The following SNX31 variants were observed in gnomAD, a reference collection of about 807,000 sequenced individuals.
The protein encoded by SNX31 is sorting nexin 31, also known as sorting nexin-31.
SNX31 carries 58 observed loss-of-function variants against 65.4 expected under a neutral mutation model. The ratio of observed to expected loss-of-function variants is 0.89; its 90% CI spans 0.72 to 1.10. The LOEUF (loss-of-function observed/expected upper bound fraction) is 1.10. SNX31 is among the 50% of genes least tolerant of loss of function. The pLI is 0.00. For missense variants in SNX31, 523 were observed against 529.7 expected (o/e 0.99, Z 0.12); for synonymous variants, 181 against 190.1 (o/e 0.95, Z 0.39).
At position 100,588,365 on chromosome 8, in the gene SNX31, C is replaced by A. The variant is rs114093256; in HGVS notation, c.1092+501G>T. On this transcript the variant is annotated intron_variant, in intron 11 of 13. Transcript: ENST00000311812. The surrounding 1 kb of genome is among the most constrained non-coding windows in gnomAD (Gnocchi z 4.8). ...AGAGAATAATAGGGATGCCAATCATCTACCTTCAGTATTTTTATTAACTAA... is the reference window on the plus strand; with the variant it reads ...AGAGAATAATAGGGATGCCAATCATATACCTTCAGTATTTTTATTAACTAA... 0.012 allele frequency among the ~76,000 whole-genome samples: 1,874 copies of A among 152,318 alleles called. 43 individuals are homozygous for A. Among genetic ancestry groups the A allele is most frequent in the African/African-American group, 0.043 (1,770 of 41,570 alleles).
Position 100,576,949 on chromosome 8 carries a change from G to A in SNX31, c.1227+70C>T, listed in dbSNP as rs2130763443. The A allele has an allele frequency of 3.2e-6, 4 of 1,259,494 alleles. 1 individual carries two copies. In the Admixed American group the frequency reaches 7.6e-5, roughly 24 times the overall value. 78.0% of individuals were successfully genotyped at this position (1,259,494 alleles called of 1,614,324 possible). ...TTATTATTGAAAGTGAGATGACTTT[G>A]GTTAAAGAGGAAAAAAGATCAGATT... On this transcript the variant is annotated intron_variant, in intron 13 of 13. Coordinates refer to ENST00000311812, the MANE Select transcript of SNX31 (RefSeq NM_152628.4). The surrounding 1 kb of genome is among the most constrained non-coding windows in gnomAD (Gnocchi z 4.8).
upstream of SNX31, among the ~76,000 whole-genome samples, chr8:100,651,102 T>C (rs1819960046): frequency 2.0e-5 from 3 of 152,238 alleles, no homozygotes; most frequent in South Asian, 6.2e-4. Flanking sequence ...TCTGTCCACC[T>C]CGGCCTCCCA....
In SNX31 at chr8:100,597,214, A is replaced by T. The variant is rs138384867; in HGVS notation, c.775-372T>A. 7.5e-3 allele frequency among the ~76,000 whole-genome samples: 1,148 copies of T among 152,302 alleles called. 14 individuals are homozygous for T. Among genetic ancestry groups the T allele is most frequent in the Non-Finnish European group, 7.6e-3 (516 of 68,016 alleles). On this transcript the variant is annotated intron_variant, in intron 9 of 13. Coordinates refer to ENST00000311812, the MANE Select transcript of SNX31 (RefSeq NM_152628.4). Reference sequence around the variant, plus strand: ...AGATATGATTCTGTCTCAGCAGATTATAATAGCAAGTAAACAAAAAAGTGT... The same window carrying T: ...AGATATGATTCTGTCTCAGCAGATTTTAATAGCAAGTAAACAAAAAAGTGT...
At chr8:100,637,621 A>G (rs1168572303) in intron 2 of SNX31, among the ~76,000 whole-genome samples, 1 of 152,190 alleles carries the variant, frequency 6.6e-6, no homozygotes, top group Non-Finnish European at 1.5e-5. Flanking sequence ...TCGCCTTCCA[A>G]CAAGTCTCTC....
upstream of SNX31, among the ~76,000 whole-genome samples, chr8:100,652,602 T>C (rs1819994525): frequency 6.6e-6 from 1 of 152,168 alleles, no homozygotes; most frequent in African/African-American, 2.4e-5. Flanking sequence ...ATTTCCTACT[T>C]TGAAAGCCTT....
intron 9 of SNX31, among the ~76,000 whole-genome samples, chr8:100,599,917 G>A (rs1029068302): frequency 2.0e-5 from 3 of 152,190 alleles, no homozygotes. Flanking sequence ...AACTGTACCA[G>A]GTGCTGTGAA....
intron 4 of SNX31, 51 bp from the exon 5 acceptor site, chr8:100,617,781 T>C: frequency 7.8e-7 from 1 of 1,276,022 alleles, no homozygotes; most frequent in East Asian, 2.4e-5. Context: ...TTTTTTTTTT[T>C]GGAGGCGGAG....
At chr8:100,597,118 T>C (rs1044750341) in intron 9 of SNX31, among the ~76,000 whole-genome samples, 6 of 152,094 alleles carry the variant, frequency 3.9e-5, no homozygotes, top group Non-Finnish European at 7.4e-5. Flanking sequence ...TGGTGCTTGG[T>C]ACACAGTGGA....
Position 100,609,170 on chromosome 8 carries a change from A to C in SNX31, c.612-607T>G, listed in dbSNP as rs762557631. 2.0e-4 allele frequency among the ~76,000 whole-genome samples: 31 copies of C among 152,002 alleles called. No individual in the cohort carries two copies. Among genetic ancestry groups the C allele is most frequent in the Non-Finnish European group, 3.7e-4 (25 of 67,988 alleles). On this transcript the variant is annotated intron_variant, in intron 7 of 13. Coordinates refer to ENST00000311812, the MANE Select transcript of SNX31 (RefSeq NM_152628.4). This position sits in a 1 kb window ranked among gnomAD's most constrained non-coding sequence, Gnocchi z 4.9. ...TTCATTTCCAGTTCCATCTCTCACC[A>C]ACCCCACCACCAACGCTACATTCCA...
intron 1 of SNX31, among the ~76,000 whole-genome samples, chr8:100,654,681 T>C (rs115107095): frequency 0.013 from 2,008 of 152,294 alleles, 50 homozygotes; most frequent in African/African-American, 0.044. Context: ...TGTGAAGGCA[T>C]CACATTCAAT....
chr8:100,610,982 T>G lies in SNX31; in HGVS notation c.611+1018A>C, dbSNP rs1267234997. On this transcript the variant is annotated intron_variant, in intron 7 of 13. Coordinates refer to ENST00000311812, the MANE Select transcript of SNX31 (RefSeq NM_152628.4). The surrounding 1 kb of genome is among the most constrained non-coding windows in gnomAD (Gnocchi z 4.0). ...GTAATAAACACTGGGAGCTGCAGGT[T>G]ATAGGACTGGGGGTGCATAAGGTCC... 6.6e-6 allele frequency among the ~76,000 whole-genome samples: 1 copy of G among 152,218 alleles called. No homozygotes were observed. The highest frequency in any genetic ancestry group is 1.5e-5 in the Non-Finnish European group (1 of 68,054).
rs141353284 is a variant in SNX31, at chr8:100,610,305, CT to C, written c.611+1694del. ...GTAAGAAACAGAATCATCATCTCTCCTTTGATCTCAGGTTTTATGAAGCGCA... is the reference window on the plus strand; with the variant it reads ...GTAAGAAACAGAATCATCATCTCTCCTTGATCTCAGGTTTTATGAAGCGCA... On this transcript the variant is annotated intron_variant, in intron 7 of 13. Coordinates refer to ENST00000311812, the MANE Select transcript of SNX31 (RefSeq NM_152628.4). The surrounding 1 kb of genome is among the most constrained non-coding windows in gnomAD (Gnocchi z 4.0). Among the ~76,000 whole-genome samples the C allele has an allele frequency of 0.027, 4,116 of 152,138 alleles. 178 individuals carry two copies. Among genetic ancestry groups the C allele is most frequent in the African/African-American group, 0.092 (3,809 of 41,484 alleles).
chr8:100,641,563 AAAATATATATAT>A (rs1483826772), intron 2 of SNX31, among the ~76,000 whole-genome samples: 8 of 22,588 alleles, frequency 3.5e-4, no homozygotes, highest in African/African-American at 1.9e-3. Context: ...AAAAAAAAAA[AAAATATATATAT>A]ATATATATAT....
chr8:100,640,685 T>G (rs986381000), intron 2 of SNX31, among the ~76,000 whole-genome samples: 1 of 151,872 alleles, frequency 6.6e-6, no homozygotes, highest in Non-Finnish European at 1.5e-5. Flanking sequence ...GGGGTCTTCA[T>G]CCCCCCAACC....
At chr8:100,628,701 T>C (rs55902828) in intron 4 of SNX31, among the ~76,000 whole-genome samples, 34,002 of 151,812 alleles carry the variant, frequency 0.22, 3,865 homozygotes, top group South Asian at 0.3. Flanking sequence ...GTAACAAACC[T>C]GCATATTGTG....
rs1399406004 is a variant in SNX31, at chr8:100,641,603, C to CAT, written c.142-5593_142-5592insAT. Among the ~76,000 whole-genome samples, 61 of 21,282 alleles carry CAT rather than the reference C, an allele frequency of 2.9e-3. 1 individual carries two copies. The highest frequency in any genetic ancestry group is 3.9e-3 in the Admixed American group (4 of 1,028). The allele number at this position is 21,282 out of a possible 152,430, so 14.0% of individuals were successfully genotyped here. A position where few individuals can be genotyped will look rare whatever the true frequency, so the allele number is the denominator to read the frequency against. ...ATATATATATATATATATACACATACACACACACACGCACACACGCGCATA... is the reference window on the plus strand; with the variant it reads ...ATATATATATATATATATACACATACATACACACACACGCACACACGCGCATA... On this transcript the variant is annotated intron_variant, in intron 2 of 13. Coordinates refer to ENST00000311812, the MANE Select transcript of SNX31 (RefSeq NM_152628.4).
intron 8 of SNX31, among the ~76,000 whole-genome samples, chr8:100,603,196 G>C (rs1490402442): frequency 1.3e-5 from 2 of 152,100 alleles, no homozygotes; most frequent in Non-Finnish European, 2.9e-5. Context: ...GAGAAAGCAT[G>C]GTGTGAAGAA....
chr8:100,642,285 T>C (rs1199141451), intron 2 of SNX31, among the ~76,000 whole-genome samples: 1 of 152,188 alleles, frequency 6.6e-6, no homozygotes, highest in African/African-American at 2.4e-5. Context: ...TGCATGCAAT[T>C]ATTTCTTGGC....
In SNX31 at chr8:100,625,288, T is replaced by C. The variant is rs530106319; in HGVS notation, c.321+5039A>G. ...CTGCTCTGAGGCAGAGGAACATTCT[T>C]AAGAATGTTTTCCATTTCCCTTGTA... On this transcript the variant is annotated intron_variant, in intron 4 of 13. Coordinates refer to ENST00000311812, the MANE Select transcript of SNX31 (RefSeq NM_152628.4). This position sits in a 1 kb window ranked among gnomAD's most constrained non-coding sequence, Gnocchi z 4.2. Among the ~76,000 whole-genome samples, 4 of 152,054 alleles carry C rather than the reference T, an allele frequency of 2.6e-5. No homozygotes were observed. The South Asian group carries it at 6.3e-4, about 24-fold the overall frequency.
Sources: gnomAD v4.1 joint callset for allele counts (sites outside exome capture counted in the v4.1 genomes callset) on GRCh38, gnomAD v4.1.1 for gene constraint, Gnocchi (gnomAD v3.1) non-coding constraint, MANE v1.5 for transcripts, NCBI Gene and HGNC (gene_info 2026-07-23, HGNC 2026-07-21) for gene names.